UVRAG: variants seen among roughly 807,000 people sequenced by gnomAD.
UVRAG encodes the protein UV radiation resistance associated.
UVRAG carries 19 observed loss-of-function variants against 78.0 expected under a neutral mutation model. The ratio of observed to expected loss-of-function variants is 0.24; its 90% CI spans 0.17 to 0.36. UVRAG has a LOEUF of 0.36. Ranked by LOEUF, UVRAG falls within the 10% of genes least tolerant of loss-of-function variation. The pLI, the probability that UVRAG is intolerant of heterozygous loss-of-function variation, is 1.00. For missense variants in UVRAG, 740 were observed against 853.8 expected, an observed-to-expected ratio of 0.87 and a Z score of 1.66; for synonymous variants, 323 against 324.6, an observed-to-expected ratio of 1.00 and a Z score of 0.05.
At chr11:75,824,696 C>T (rs867920475) in intron 1 of UVRAG, among the ~76,000 whole-genome samples, 16 of 100,234 alleles carry the variant, frequency 1.6e-4, no homozygotes, top group African/African-American at 2.6e-4. Context: ...TTTTTTGAGG[C>T]GGAGTCTCAC....
At chr11:75,939,448 C>G (rs1191493890) in intron 6 of UVRAG, among the ~76,000 whole-genome samples, 4 of 152,154 alleles carry the variant, frequency 2.6e-5, no homozygotes, top group Non-Finnish European at 5.9e-5. Context: ...AATCATAGCT[C>G]TTAAATTGGT....
At chr11:75,925,196 C>T (rs1948072456) in intron 6 of UVRAG, among the ~76,000 whole-genome samples, 1 of 152,210 alleles carries the variant, frequency 6.6e-6, no homozygotes, top group African/African-American at 2.4e-5. Flanking sequence ...AGGCATGTTC[C>T]AAGGCAGCAT....
At chr11:75,892,766 T>G (rs1947242692) in intron 5 of UVRAG, among the ~76,000 whole-genome samples, 1 of 152,172 alleles carries the variant, frequency 6.6e-6, no homozygotes, top group South Asian at 2.1e-4. Context: ...AAAAACCTTG[T>G]CTTTTTTAAC....
intron 13 of UVRAG, among the ~76,000 whole-genome samples, chr11:76,096,011 G>C (rs778059332): frequency 3.3e-5 from 5 of 152,000 alleles, no homozygotes; most frequent in Non-Finnish European, 7.4e-5. Flanking sequence ...AGGCAGTAGA[G>C]AATGACCAGG....
At chr11:75,918,210 C>CAAAA (rs67178910) in intron 6 of UVRAG, among the ~76,000 whole-genome samples, 2 of 55,564 alleles carry the variant, frequency 3.6e-5, no homozygotes, top group African/African-American at 5.0e-5. Context: ...ACTAAAAATA[C>CAAAA]AAAAAAAAAA....
chr11:75,950,963 TAC>T (rs35864936), intron 6 of UVRAG, among the ~76,000 whole-genome samples: 8,257 of 139,552 alleles, frequency 0.059, 199 homozygotes, highest in Middle Eastern at 0.069. Flanking sequence ...TTGTCAGGTG[TAC>T]ACACACACAC....
intron 13 of UVRAG, 97 bp from the exon 14 acceptor site, chr11:76,115,827 C>T (rs906147367): frequency 9.3e-7 from 1 of 1,078,896 alleles, no homozygotes; most frequent in African/African-American, 1.6e-5. Context: ...TACATTTCCT[C>T]TTTTAGAGTT....
intron 14 of UVRAG, chr11:76,137,669 C>T (rs1952624590): frequency 2.0e-5 from 7 of 354,046 alleles, no homozygotes; most frequent in Non-Finnish European, 3.9e-5. Flanking sequence ...GAGGCCAAGG[C>T]AAGAGGATCA....
chr11:76,012,719 C>T (rs1950072707), intron 11 of UVRAG, among the ~76,000 whole-genome samples: 1 of 151,596 alleles, frequency 6.6e-6, no homozygotes, highest in Admixed American at 6.6e-5. Context: ...GACCTGGACA[C>T]AGTGGGAGAA....
intron 6 of UVRAG, among the ~76,000 whole-genome samples, chr11:75,937,649 T>C (rs189223733): frequency 3.9e-5 from 6 of 152,282 alleles, no homozygotes; most frequent in Admixed American, 3.9e-4. Context: ...GTAGTGTGTC[T>C]TTTTTTCCTT....
chr11:75,974,938 A>G (rs1949205796), intron 7 of UVRAG, among the ~76,000 whole-genome samples: 1 of 152,200 alleles, frequency 6.6e-6, no homozygotes, highest in Non-Finnish European at 1.5e-5. Flanking sequence ...TGTTTTAGAC[A>G]TGAAGTCCTT....
intron 13 of UVRAG, among the ~76,000 whole-genome samples, chr11:76,081,316 C>T (rs1351787395): frequency 6.6e-6 from 1 of 152,112 alleles, no homozygotes. Flanking sequence ...GGCCATTCTC[C>T]TACCTCAGCC....
chr11:75,940,752 A>C (rs1948468459), intron 6 of UVRAG, among the ~76,000 whole-genome samples: 1 of 152,184 alleles, frequency 6.6e-6, no homozygotes, highest in South Asian at 2.1e-4. Context: ...CTTTGAAAAA[A>C]TGTATGATTT....
intron 13 of UVRAG, among the ~76,000 whole-genome samples, chr11:76,084,043 A>C (rs1328038547): frequency 1.3e-5 from 2 of 152,220 alleles, no homozygotes; most frequent in African/African-American, 4.8e-5. Context: ...GTTGACCTGT[A>C]ACTTTCAATG....
At chr11:75,993,934 C>G (rs1949659474) in intron 8 of UVRAG, among the ~76,000 whole-genome samples, 1 of 152,098 alleles carries the variant, frequency 6.6e-6, no homozygotes, top group Non-Finnish European at 1.5e-5. Context: ...TTGCCATACT[C>G]TTTTAGACAG....
chr11:75,864,257 T>C (rs1259023943), intron 3 of UVRAG, among the ~76,000 whole-genome samples: 5 of 152,312 alleles, frequency 3.3e-5, no homozygotes, highest in Admixed American at 2.0e-4. Flanking sequence ...GGTTTCACCA[T>C]GTTACCCAGG....
intron 14 of UVRAG, among the ~76,000 whole-genome samples, chr11:76,126,346 G>T (rs563940031): frequency 2.0e-5 from 3 of 151,992 alleles, no homozygotes; most frequent in Admixed American, 6.6e-5. Flanking sequence ...AAAATATCTT[G>T]TAGACATGTA....
At chr11:75,948,785 G>C (rs897157635) in intron 6 of UVRAG, among the ~76,000 whole-genome samples, 5 of 152,150 alleles carry the variant, frequency 3.3e-5, no homozygotes, top group Admixed American at 2.0e-4. Context: ...AGAGGGCCTA[G>C]AGTATCTAAA....
In UVRAG at chr11:75,889,002, A is replaced by G. The variant is rs1222867122; in HGVS notation, c.507+99A>G. On this transcript the variant is annotated intron_variant, in intron 5 of 14. Transcript: ENST00000356136. ...ATCCTGAAAACTCTGTGTAAATAGA[A>G]TCATGCTTTAAATTTGTTGCTTAGT... is the stretch of plus-strand genomic sequence containing the variant. 29 of 979,616 alleles carry G rather than the reference A, an allele frequency of 3.0e-5. No individual in the cohort carries two copies. In the East Asian group the frequency reaches 8.3e-4, roughly 28 times the overall value. The allele number at this position is 979,616 out of a possible 1,614,324, so 60.7% of individuals were successfully genotyped here. A position where few individuals can be genotyped will look rare whatever the true frequency, so the allele number is the denominator to read the frequency against.
Sources: allele counts gnomAD v4.1 joint callset (sites outside exome capture counted in the v4.1 genomes callset), GRCh38; gene constraint gnomAD v4.1.1; transcripts MANE v1.5; gene names NCBI Gene and HGNC (gene_info 2026-07-23, HGNC 2026-07-21).